Variants in PTPN23 observed in about 807,000 individuals in gnomAD.
The protein encoded by PTPN23 is tyrosine-protein phosphatase non-receptor type 23.
In PTPN23, 72 loss-of-function variants were observed where a neutral mutation model predicts 156.3. The observed-to-expected ratio is 0.46, with a 90% CI of 0.38 to 0.56. The LOEUF is 0.56. Among genes scored for constraint, PTPN23 ranks in the 20% least tolerant of loss-of-function variants. The probability of loss-of-function intolerance (pLI) is 0.00; values close to 1 mark genes in which losing one functional copy is unlikely to be tolerated. For synonymous variants in PTPN23, 957 were observed against 899.6 expected (o/e 1.06, Z -1.14); for missense variants, 1,974 against 2,171.5 (o/e 0.91, Z 1.81).
rs1028990955 is a variant in PTPN23, at chr3:47,406,876, G to A, written c.807+126G>A. On this transcript the variant is annotated intron_variant, in intron 9 of 24. Transcript: ENST00000265562. This position sits in a 1 kb window ranked among gnomAD's most constrained non-coding sequence, Gnocchi z 5.8. The stretch of plus-strand genomic sequence containing the variant: ...TCACCCTGGCCATCACCCTGCTGGA[G>A]GCCTGGTGTCTTAAGTGTTGTCCCA... 9.1e-6 allele frequency: 12 copies of A among 1,317,460 alleles called. No individual in the cohort carries two copies. The African/African-American group carries it at 1.3e-4, about 14-fold the overall frequency. The allele number at this position is 1,317,460 out of a possible 1,614,324, so 81.6% of individuals were successfully genotyped here.
At position 47,411,160 on chromosome 3, in the gene PTPN23, C is replaced by T. The variant is rs995188264; in HGVS notation, c.3362C>T (p.Ser1121Phe). ...GGCGCCGCAGCTGCAGACCTGCTCT[C>T]CTCCAGCCCGGAGAGCCAGCATGGC... Reference protein sequence around the residue: ...RRGAAAADLLSSSPESQHGGT... With the variant: ...RRGAAAADLLFSSPESQHGGT... The change falls in exon 20 of 25, where the codon TCC becomes TTC. Residue 1121 changes from serine (S) to phenylalanine (F), a missense_variant. By Grantham distance (155) the Ser-to-Phe change is radical. Coordinates refer to ENST00000265562, the MANE Select transcript of PTPN23 (RefSeq NM_015466.4). The surrounding 1 kb of genome is among the most constrained non-coding windows in gnomAD (Gnocchi z 6.3). 6.2e-7 allele frequency: 1 copy of T among 1,602,152 alleles called. No homozygotes were observed. Among genetic ancestry groups the T allele is most frequent in the African/African-American group, 1.3e-5 (1 of 74,718 alleles).
Position 47,408,466 on chromosome 3 carries a change from A to G in PTPN23, c.1306A>G (p.Arg436Gly). The change falls in exon 15 of 25, where the codon AGG becomes GGG. Residue 436 changes from arginine to glycine, a missense_variant. Around this residue, in one of 4 missense-constraint regions of PTPN23, gnomAD observed 726 missense variants for 929.5 expected, o/e 0.78. Coordinates refer to ENST00000265562, the MANE Select transcript of PTPN23 (RefSeq NM_015466.4). ...AALSVRPDTV[R>G]NLVQSMQVLS... ...TCTCAGCGTCCGGCCCGACACTGTC[A>G]GGAACCTTGTACAGTCCATGCAAGG... 2 of 1,614,070 alleles carry G rather than the reference A, an allele frequency of 1.2e-6. No homozygotes were observed. The highest frequency in any genetic ancestry group is 1.7e-6 in the Non-Finnish European group (2 of 1,179,964).
rs370254894 is a variant in PTPN23, at chr3:47,408,515, G to A, written c.1330+25G>A. ...GGTGAGTAAGGGGCAGAGCAAGCAGGTGGAAGGGAGTGTGGAGGTCATCTG... is the reference window on the plus strand; with the variant it reads ...GGTGAGTAAGGGGCAGAGCAAGCAGATGGAAGGGAGTGTGGAGGTCATCTG... On this transcript the variant is annotated intron_variant, in intron 15 of 24. Transcript: ENST00000265562. The A allele has an allele frequency of 5.5e-4, 881 of 1,595,044 alleles. 3 individuals are homozygous for A. Among genetic ancestry groups the A allele is most frequent in the Middle Eastern group, 3.9e-3 (23 of 5,974 alleles).
At chr3:47,395,029 T>C (rs972312047) in intron 1 of PTPN23, among the ~76,000 whole-genome samples, 15 of 152,172 alleles carry the variant, frequency 9.9e-5, no homozygotes, top group Non-Finnish European at 1.3e-4. Context: ...CTTGATGCTG[T>C]AATTAGCTCA....
chr3:47,413,107 G>C lies in PTPN23; in HGVS notation c.4833G>C (p.Gly1611=). 6.2e-7 allele frequency: 1 copy of C among 1,612,914 alleles called. No homozygotes were observed. Among genetic ancestry groups the C allele is most frequent in the Non-Finnish European group, 8.5e-7 (1 of 1,180,032 alleles). ...SKHNFLQAHN[G]QGLRATRPSD... is the part of the protein sequence containing the mutation. ...ATAACTTTCTGCAGGCCCATAACGG[G>C]CAAGGGCTGCGGGCCACCCGGCCCT... Residue 1611 remains glycine, a synonymous_variant, in exon 25 of 25, where the codon GGG becomes GGC. Coordinates refer to ENST00000265562, the MANE Select transcript of PTPN23 (RefSeq NM_015466.4).
chr3:47,406,221 G>T lies in PTPN23; in HGVS notation c.547-104G>T. On this transcript the variant is annotated intron_variant, in intron 6 of 24. Coordinates refer to ENST00000265562, the MANE Select transcript of PTPN23 (RefSeq NM_015466.4). The surrounding 1 kb of genome is among the most constrained non-coding windows in gnomAD (Gnocchi z 5.8). ...GGAGTGGGGGCAGCTGGGGGAGAGG[G>T]CAGTGAAGAGGGATCCCTCAGTCTG... 2.0e-6 allele frequency: 3 copies of T among 1,483,634 alleles called. No individual in the cohort carries two copies. The highest frequency in any genetic ancestry group is 2.8e-6 in the Non-Finnish European group (3 of 1,083,344). The allele number at this position is 1,483,634 out of a possible 1,614,324, so 91.9% of individuals were successfully genotyped here.
rs566799552 is a variant in PTPN23 at position 47,412,145 on chromosome 3, C to T, written c.4125C>T (p.His1375=). ...SNLLRFIQEV[H]AHYLHQRPLH... ...TGCTGCGCTTCATCCAGGAGGTGCA[C>T]GCACATTACCTGCATCAGCGGCCGC... is the stretch of plus-strand genomic sequence containing the variant. The change falls in exon 22 of 25, where the codon CAC becomes CAT. Residue 1375 remains histidine (H), a synonymous_variant. Coordinates refer to ENST00000265562, the MANE Select transcript of PTPN23 (RefSeq NM_015466.4). The T allele has an allele frequency of 4.5e-5, 73 of 1,613,212 alleles. 3 individuals carry two copies. The highest frequency in any genetic ancestry group is 4.4e-4 in the South Asian group (40 of 91,084).
intron 1 of PTPN23, among the ~76,000 whole-genome samples, chr3:47,392,355 A>T (rs1704792470): frequency 6.6e-6 from 1 of 150,450 alleles, no homozygotes; most frequent in South Asian, 2.1e-4. Context: ...GCTAATTTTT[A>T]AATTTTTTTT....
intron 22 of PTPN23, 29 bp downstream of exon 22, chr3:47,412,227 CTA>C (rs771834885): frequency 6.2e-7 from 1 of 1,613,180 alleles, no homozygotes; most frequent in African/African-American, 1.3e-5. Context: ...GGTCTCTCCT[CTA>C]TGGGCTCTTG....
intron 1 of PTPN23, among the ~76,000 whole-genome samples, chr3:47,392,414 T>C (rs1704794228): frequency 6.6e-6 from 1 of 152,168 alleles, no homozygotes; most frequent in Non-Finnish European, 1.5e-5. Context: ...CTGGAACTCC[T>C]AGCCTCAAGT....
Position 47,408,326 on chromosome 3 carries a change from G to C in PTPN23, c.1185-19G>C. On this transcript the variant is annotated intron_variant, in intron 14 of 24. Coordinates refer to ENST00000265562, the MANE Select transcript of PTPN23 (RefSeq NM_015466.4). ...TGGATCAGCACCCAGCACCCACCTG[G>C]CCCTGTTGCTCCCCACAGCCAGTTC... 6.2e-7 allele frequency: 1 copy of C among 1,610,654 alleles called. No individual in the cohort carries two copies. Among genetic ancestry groups the C allele is most frequent in the Non-Finnish European group, 8.5e-7 (1 of 1,177,802 alleles).
Position 47,413,420 on chromosome 3 carries a change from A to G in PTPN23, c.*235A>G. 1.7e-6 allele frequency: 1 copy of G among 583,022 alleles called. No individual in the cohort carries two copies. The highest frequency in any genetic ancestry group is 2.9e-5 in the East Asian group (1 of 34,692). 36.1% of individuals were successfully genotyped at this position (583,022 alleles called of 1,614,324 possible). A position where few individuals can be genotyped will look rare whatever the true frequency, so the allele number is the denominator to read the frequency against. The stretch of plus-strand genomic sequence containing the variant: ...CAGCTCTTTGCTATTGAAATAATAA[A>G]CCACCCTGTTCTGTGGCCCGTGTCT... On this transcript the variant is annotated 3_prime_UTR_variant, in exon 25 of 25. Transcript: ENST00000265562.
At chr3:47,391,380 C>T (rs1704769871) in intron 1 of PTPN23, among the ~76,000 whole-genome samples, 2 of 152,224 alleles carry the variant, frequency 1.3e-5, no homozygotes, top group Admixed American at 1.3e-4. Flanking sequence ...AGCACCGTGA[C>T]CTTGGTGAAT....
intron 2 of PTPN23, among the ~76,000 whole-genome samples, chr3:47,401,965 C>T (rs893099139): frequency 5.9e-5 from 9 of 152,134 alleles, no homozygotes; most frequent in South Asian, 2.1e-4. Flanking sequence ...AGCTCAGAGC[C>T]GAGCTCCCAG....
rs748334096 is a variant in PTPN23, at chr3:47,409,906, T to C, written c.2130-22T>C. On this transcript the variant is annotated intron_variant, in intron 19 of 24. Coordinates refer to ENST00000265562, the MANE Select transcript of PTPN23 (RefSeq NM_015466.4). ...TGGGGTGATGGGAGCCTGGCCCCAC[T>C]TTTTCCTTGCCTGTCGCACAGGGAG... 3.8e-6 allele frequency: 6 copies of C among 1,571,388 alleles called. No homozygotes were observed. The Admixed American group carries it at 7.4e-5, about 19-fold the overall frequency.
At position 47,412,115 on chromosome 3, in the gene PTPN23, C is replaced by T; in HGVS notation, c.4095C>T (p.Ser1365=). 1 of 1,613,138 alleles carries T rather than the reference C, an allele frequency of 6.2e-7. No individual in the cohort carries two copies. The highest frequency in any genetic ancestry group is 8.5e-7 in the Non-Finnish European group (1 of 1,180,024). The change falls in exon 22 of 25, where the codon AGC becomes AGT. Residue 1365 remains serine, a synonymous_variant. Coordinates refer to ENST00000265562, the MANE Select transcript of PTPN23 (RefSeq NM_015466.4). ...WPELGLPDSP[S]NLLRFIQEVH... ...ACAGAGGCCTGCCCGACAGCCCCAG[C>T]AACTTGCTGCGCTTCATCCAGGAGG...
chr3:47,409,559 T>C lies in PTPN23; in HGVS notation c.1940T>C (p.Leu647Ser). 4 of 1,613,530 alleles carry C rather than the reference T, an allele frequency of 2.5e-6. No individual in the cohort carries two copies. Among genetic ancestry groups the C allele is most frequent in the Non-Finnish European group, 3.4e-6 (4 of 1,179,628 alleles). ...GCCGTGCGGCGGGTACTCAGCGACT[T>C]GGACCAAAAGTCAGTGCCCAGTCCT... ...YAAVRRVLSDLDQKWNSTLQT... is the reference protein window; with the variant it reads ...YAAVRRVLSDSDQKWNSTLQT... Residue 647 changes from leucine (L) to serine (S), a missense_variant, in exon 18 of 25, where the codon TTG becomes TCG. Coordinates refer to ENST00000265562, the MANE Select transcript of PTPN23 (RefSeq NM_015466.4).
In PTPN23 at chr3:47,396,341, G is replaced by T. The variant is rs187514292; in HGVS notation, c.159+124G>T. 1.2e-4 allele frequency: 78 copies of T among 624,196 alleles called. 1 individual carries two copies. The South Asian group carries it at 1.4e-3, about 11-fold the overall frequency. The allele number at this position is 624,196 out of a possible 1,614,324, so 38.7% of individuals were successfully genotyped here. A position where few individuals can be genotyped will look rare whatever the true frequency, so the allele number is the denominator to read the frequency against. Reference sequence around the variant, plus strand: ...TATAATCCCACCACTTTGGGAGGCCGAGGTGGGCAGATCATTTGAGGTCAG... The same window carrying T: ...TATAATCCCACCACTTTGGGAGGCCTAGGTGGGCAGATCATTTGAGGTCAG... On this transcript the variant is annotated intron_variant, in intron 2 of 24. Transcript: ENST00000265562.
rs1339654552 is a variant in PTPN23, at chr3:47,410,835, C to G, written c.3037C>G (p.Pro1013Ala). Residue 1013 changes from proline to alanine, a missense_variant, in exon 20 of 25, where the codon CCC becomes GCC. Around this residue, in one of 4 missense-constraint regions of PTPN23, gnomAD observed 731 missense variants for 669.1 expected, o/e 1.09. Coordinates refer to ENST00000265562, the MANE Select transcript of PTPN23 (RefSeq NM_015466.4). ...QPGVLGQPPP[P>A]LHTQLYPGPA... ...TGGGGTCCTGGGGCAGCCGCCACCC[C>G]CCCTACACACCCAGCTCTACCCAGG... 1.2e-6 allele frequency: 2 copies of G among 1,603,380 alleles called. No homozygotes were observed. The highest frequency in any genetic ancestry group is 1.7e-6 in the Non-Finnish European group (2 of 1,171,944).
Sources: gnomAD v4.1 joint callset for allele counts (sites outside exome capture counted in the v4.1 genomes callset) on GRCh38, gnomAD v4.1.1 for gene constraint, gnomAD v4.1.1 regional missense constraint, Gnocchi (gnomAD v3.1) non-coding constraint, MANE v1.5 for transcripts, NCBI Gene and HGNC (gene_info 2026-07-23, HGNC 2026-07-21) for gene names.